Variants in DGKB observed in about 807,000 individuals in gnomAD.
DGKB encodes 90 kDa diacylglycerol kinase.
Under a neutral mutation model 114.3 loss-of-function variants are expected in DGKB, and 67 were observed. The observed-to-expected ratio is 0.59, with a 90% CI of 0.48 to 0.72. The LOEUF (loss-of-function observed/expected upper bound fraction) is 0.72, where lower values mean the gene tolerates loss of function less well. DGKB is among the 30% of genes least tolerant of loss of function. The pLI is 0.00. For missense variants in DGKB, 907 were observed against 975.2 expected (o/e 0.93, Z 0.93); for synonymous variants, 398 against 323.1 (o/e 1.23, Z -2.49).
intron 13 of DGKB, among the ~76,000 whole-genome samples, chr7:14,650,871 C>T (rs1050961407): frequency 6.6e-6 from 1 of 151,808 alleles, no homozygotes; most frequent in Non-Finnish European, 1.5e-5. Context: ...ACAAACACCT[C>T]TACGCAAATA....
chr7:14,616,831 C>A (rs977697672), intron 15 of DGKB, among the ~76,000 whole-genome samples: 2 of 151,650 alleles, frequency 1.3e-5, no homozygotes, highest in African/African-American at 4.8e-5. Flanking sequence ...TTCACACACA[C>A]AAAAATACTG....
intron 6 of DGKB, among the ~76,000 whole-genome samples, chr7:14,712,914 G>A (rs1326653295): frequency 2.6e-5 from 4 of 151,862 alleles, no homozygotes; most frequent in African/African-American, 9.7e-5. Context: ...TGAACAAAAG[G>A]ATCATATTTT....
intron 21 of DGKB, among the ~76,000 whole-genome samples, chr7:14,364,980 C>T (rs1463240390): frequency 2.6e-5 from 4 of 152,052 alleles, no homozygotes; most frequent in South Asian, 2.1e-4. Context: ...CCTAATACCA[C>T]ATTATGACAC....
At position 14,873,061 on chromosome 7, in the gene DGKB, A is replaced by G. The variant is rs1246596376; in HGVS notation, c.-188+29531T>C. Reference sequence around the variant, plus strand: ...CCAGAAACGAAAATAATCTACAATAATTGACTTAGGTAATGGGAAATTCAA... The same window carrying G: ...CCAGAAACGAAAATAATCTACAATAGTTGACTTAGGTAATGGGAAATTCAA... On this transcript the variant is annotated intron_variant, in intron 1 of 25. Coordinates refer to ENST00000402815, the MANE Select transcript of DGKB (RefSeq NM_001350709.2). Among the ~76,000 whole-genome samples the G allele has an allele frequency of 2.0e-5, 3 of 152,098 alleles. No homozygotes were observed. The East Asian group carries it at 5.8e-4, about 29-fold the overall frequency.
intron 5 of DGKB, among the ~76,000 whole-genome samples, chr7:14,732,263 A>G (rs914456315): frequency 6.6e-5 from 10 of 151,954 alleles, no homozygotes; most frequent in Non-Finnish European, 1.5e-4. Context: ...TGTATAGAGT[A>G]AAAGACTACC....
At chr7:14,320,025 A>G (rs955845136) in intron 23 of DGKB, among the ~76,000 whole-genome samples, 2 of 152,204 alleles carry the variant, frequency 1.3e-5, no homozygotes, top group Non-Finnish European at 2.9e-5. Flanking sequence ...CTACCCCAAA[A>G]GCAGCACTGC....
Position 14,658,711 on chromosome 7 carries a change from G to GA in DGKB, c.1134+14217dup, listed in dbSNP as rs571945764. Among the ~76,000 whole-genome samples the GA allele has an allele frequency of 4.9e-3, 735 of 151,314 alleles. 2 individuals carry two copies. Among genetic ancestry groups the GA allele is most frequent in the Non-Finnish European group, 7.5e-3 (510 of 67,760 alleles). On this transcript the variant is annotated intron_variant, in intron 13 of 25. Coordinates refer to ENST00000402815, the MANE Select transcript of DGKB (RefSeq NM_001350709.2). ...TGTACAAATATTATATATCAATACA[G>GA]AATAAAATTCATATTTTATATTTAT...
chr7:14,745,674 C>T (rs1237039570), intron 4 of DGKB, among the ~76,000 whole-genome samples: 2 of 152,176 alleles, frequency 1.3e-5, no homozygotes, highest in Admixed American at 1.3e-4. Flanking sequence ...AGGAGCCTGA[C>T]CTCTTCAGCT....
rs373743703 is a variant in DGKB, at chr7:14,286,462, T to G, written c.2122+52053A>C. On this transcript the variant is annotated intron_variant, in intron 23 of 25. Coordinates refer to ENST00000402815, the MANE Select transcript of DGKB (RefSeq NM_001350709.2). ...TAAAGGATGTAAGATAAATCAAGAT[T>G]TGGAATTGGATGTTAGAATCTCTTA... Among the ~76,000 whole-genome samples the G allele has an allele frequency of 3.9e-5, 6 of 152,218 alleles. No individual in the cohort carries two copies. In the East Asian group the frequency reaches 9.7e-4, roughly 24 times the overall value.
intron 23 of DGKB, among the ~76,000 whole-genome samples, chr7:14,314,181 A>G (rs1389996884): frequency 6.6e-6 from 1 of 152,262 alleles, no homozygotes; most frequent in African/African-American, 2.4e-5. Flanking sequence ...AAAGATGGGG[A>G]AAAAACAGAA....
At chr7:14,773,541 T>C (rs1413771408) in intron 2 of DGKB, among the ~76,000 whole-genome samples, 2 of 151,850 alleles carry the variant, frequency 1.3e-5, no homozygotes, top group African/African-American at 4.8e-5. Context: ...AAGCAAAAAA[T>C]AGCATTGTAA....
At chr7:14,458,044 G>A (rs1451708266) in intron 21 of DGKB, among the ~76,000 whole-genome samples, 3 of 152,062 alleles carry the variant, frequency 2.0e-5, no homozygotes, top group Admixed American at 6.6e-5. Context: ...ATTCTTCAAC[G>A]TCTTTAAATC....
chr7:14,505,316 G>T lies in DGKB; in HGVS notation c.1771-27091C>A, dbSNP rs112194662. On this transcript the variant is annotated intron_variant, in intron 20 of 25. Coordinates refer to ENST00000402815, the MANE Select transcript of DGKB (RefSeq NM_001350709.2). ...CTAAAAATACAAAAATTAGCTGGGC[G>T]TGTTGGCACACATGCTAATCCCAGC... is the stretch of plus-strand genomic sequence containing the variant. Among the ~76,000 whole-genome samples the T allele has an allele frequency of 4.1e-3, 624 of 152,020 alleles. 3 individuals are homozygous for T. The highest frequency in any genetic ancestry group is 0.014 in the African/African-American group (593 of 41,514).
chr7:14,214,997 G>T (rs1788723453), intron 23 of DGKB, among the ~76,000 whole-genome samples: 1 of 152,130 alleles, frequency 6.6e-6, no homozygotes, highest in African/African-American at 2.4e-5. Flanking sequence ...TCTATGTGCA[G>T]TGAAGTGAAA....
chr7:14,781,485 G>C (rs1396516702), intron 2 of DGKB, among the ~76,000 whole-genome samples: 2 of 152,076 alleles, frequency 1.3e-5, no homozygotes, highest in Non-Finnish European at 2.9e-5. Flanking sequence ...CCTCCCCACA[G>C]CTCTCCTCAC....
At chr7:14,891,383 AG>A (rs1374459800) in intron 1 of DGKB, among the ~76,000 whole-genome samples, 2 of 151,492 alleles carry the variant, frequency 1.3e-5, no homozygotes, top group Admixed American at 6.6e-5. Context: ...AGTGCTTTTT[AG>A]GTACCTGTTT....
chr7:14,317,415 C>G (rs1654649456), intron 23 of DGKB, among the ~76,000 whole-genome samples: 1 of 147,120 alleles, frequency 6.8e-6, no homozygotes, highest in African/African-American at 2.5e-5. Flanking sequence ...TCTCCTTAAG[C>G]TGATAAGCAA....
intron 17 of DGKB, among the ~76,000 whole-genome samples, chr7:14,593,337 C>A (rs1204460982): frequency 6.6e-6 from 1 of 151,934 alleles, no homozygotes; most frequent in Non-Finnish European, 1.5e-5. Context: ...CTTTAATATT[C>A]CTTCTAATAT....
At chr7:14,274,874 A>T (rs993475876) in intron 23 of DGKB, among the ~76,000 whole-genome samples, 1 of 151,680 alleles carries the variant, frequency 6.6e-6, no homozygotes, top group South Asian at 2.1e-4. Flanking sequence ...CTCACCTCTA[A>T]ATCCTATCAC....
Sources: allele counts gnomAD v4.1 joint callset (sites outside exome capture counted in the v4.1 genomes callset), GRCh38; gene constraint gnomAD v4.1.1; transcripts MANE v1.5; gene names NCBI Gene and HGNC (gene_info 2026-07-23, HGNC 2026-07-21).